Variants in GASK1B observed in about 807,000 individuals in gnomAD.
GASK1B encodes golgi associated kinase 1B.
Under a neutral mutation model 42.8 loss-of-function variants are expected in GASK1B, and 34 were observed. The ratio of observed to expected loss-of-function variants is 0.79; its 90% CI spans 0.60 to 1.06. The LOEUF (loss-of-function observed/expected upper bound fraction) is 1.06, where lower values mean the gene tolerates loss of function less well. Ranked by LOEUF, GASK1B falls within the 50% of genes least tolerant of loss-of-function variation. The pLI is 0.00. For missense variants in GASK1B, 686 were observed against 661.0 expected, an observed-to-expected ratio of 1.04 and a Z score of -0.42; for synonymous variants, 262 against 259.1, an observed-to-expected ratio of 1.01 and a Z score of -0.11.
At chr4:158,167,520 A>G (rs1203166960) in intron 2 of GASK1B, among the ~76,000 whole-genome samples, 1 of 152,178 alleles carries the variant, frequency 6.6e-6, no homozygotes, top group Non-Finnish European at 1.5e-5. Flanking sequence ...GGCTTCCAGT[A>G]TAGTTTTACT....
chr4:158,149,033 A>G (rs981959946), intron 3 of GASK1B, among the ~76,000 whole-genome samples: 9 of 152,162 alleles, frequency 5.9e-5, no homozygotes, highest in Middle Eastern at 3.2e-3. Context: ...CTCTGCTTCA[A>G]ATGGTATATT....
chr4:158,157,896 T>C (rs947143145), intron 2 of GASK1B, among the ~76,000 whole-genome samples: 4 of 152,106 alleles, frequency 2.6e-5, no homozygotes, highest in African/African-American at 7.2e-5. Context: ...TAGAAAAACA[T>C]AAAAATGTAT....
chr4:158,140,111 A>G (rs941266884), intron 3 of GASK1B, among the ~76,000 whole-genome samples: 1 of 152,200 alleles, frequency 6.6e-6, no homozygotes, highest in African/African-American at 2.4e-5. Context: ...ATTCATGCTA[A>G]AGCATCAACA....
intron 3 of GASK1B, among the ~76,000 whole-genome samples, chr4:158,131,977 C>T (rs1031419798): frequency 6.6e-6 from 1 of 152,198 alleles, no homozygotes; most frequent in Admixed American, 6.5e-5. Flanking sequence ...ACTACTGTTA[C>T]TCTTGTTGAA....
intron 2 of GASK1B, among the ~76,000 whole-genome samples, chr4:158,163,585 A>G (rs930365707): frequency 2.0e-5 from 3 of 151,996 alleles, no homozygotes; most frequent in African/African-American, 7.3e-5. Context: ...AAAAAAAAAA[A>G]GAGTGTTAGT....
intron 3 of GASK1B, among the ~76,000 whole-genome samples, chr4:158,150,737 T>C (rs1321768407): frequency 6.6e-6 from 1 of 152,182 alleles, no homozygotes; most frequent in African/African-American, 2.4e-5. Flanking sequence ...ATAATGCATA[T>C]ATAATGCTTA....
intron 2 of GASK1B, among the ~76,000 whole-genome samples, chr4:158,167,717 A>G: frequency 6.6e-6 from 1 of 152,228 alleles, no homozygotes; most frequent in East Asian, 1.9e-4. Flanking sequence ...ATAAATGATT[A>G]TAATACAAAT....
intron 3 of GASK1B, among the ~76,000 whole-genome samples, chr4:158,147,700 A>T (rs1240601056): frequency 6.6e-6 from 1 of 152,092 alleles, no homozygotes; most frequent in Non-Finnish European, 1.5e-5. Context: ...GATTTTATTA[A>T]AAACAAGTAA....
chr4:158,138,540 A>T (rs1258632661), intron 3 of GASK1B, among the ~76,000 whole-genome samples: 1 of 152,174 alleles, frequency 6.6e-6, no homozygotes, highest in East Asian at 1.9e-4. Flanking sequence ...CAAGTAAAAC[A>T]TGTTCATTTA....
intron 3 of GASK1B, among the ~76,000 whole-genome samples, chr4:158,134,852 C>A (rs1256336598): frequency 6.6e-6 from 1 of 152,126 alleles, no homozygotes; most frequent in African/African-American, 2.4e-5. Flanking sequence ...CCTAGTTCAC[C>A]AAAACCCATT....
At position 158,126,689 on chromosome 4, in the gene GASK1B, C is replaced by G. The variant is rs374875948; in HGVS notation, c.*718G>C. The G allele has an allele frequency of 5.3e-5, 8 of 151,724 alleles. No individual in the cohort carries two copies. The South Asian group carries it at 1.0e-3, about 20-fold the overall frequency. 9.4% of individuals were successfully genotyped at this position (151,724 alleles called of 1,614,324 possible). On this transcript the variant is annotated 3_prime_UTR_variant, in exon 5 of 5. Transcript: ENST00000585682. Reference sequence around the variant, plus strand: ...CTCAGCCACTAGATACAAATTGGACCAAAATAGAGAGAGTAAAACTCTTTA... The same window carrying G: ...CTCAGCCACTAGATACAAATTGGACGAAAATAGAGAGAGTAAAACTCTTTA...
chr4:158,138,086 C>T (rs966304827), intron 3 of GASK1B, among the ~76,000 whole-genome samples: 1 of 152,102 alleles, frequency 6.6e-6, no homozygotes, highest in African/African-American at 2.4e-5. Context: ...TATTTCTTTA[C>T]GTATAAGTAA....
At chr4:158,136,740 A>G (rs1730905964) in intron 3 of GASK1B, among the ~76,000 whole-genome samples, 1 of 152,192 alleles carries the variant, frequency 6.6e-6, no homozygotes, top group Non-Finnish European at 1.5e-5. Flanking sequence ...GATCCTCACC[A>G]TCTCTTTTCA....
chr4:158,154,609 C>T (rs1026394173), intron 3 of GASK1B, among the ~76,000 whole-genome samples: 3 of 152,128 alleles, frequency 2.0e-5, no homozygotes, highest in African/African-American at 7.2e-5. Context: ...GCAACCAGAC[C>T]AAATGCCCAT....
chr4:158,171,471 G>A lies in GASK1B; in HGVS notation c.-96C>T, dbSNP rs1016842034. 1.1e-5 allele frequency: 15 copies of A among 1,377,106 alleles called. No individual in the cohort carries two copies. Among genetic ancestry groups the A allele is most frequent in the African/African-American group, 8.7e-5 (6 of 69,134 alleles). 85.3% of individuals were successfully genotyped at this position (1,377,106 alleles called of 1,614,324 possible). On this transcript the variant is annotated 5_prime_UTR_variant, in exon 2 of 5. Transcript: ENST00000585682. ...TTTCCTGACTTCAGCTGCCGCGTCC[G>A]CTTCGGGATATAAGTGGTCTCCAGT...
rs1209787043 is a variant in GASK1B, at chr4:158,126,592, A to G, written c.*815T>C. On this transcript the variant is annotated 3_prime_UTR_variant, in exon 5 of 5. Transcript: ENST00000585682. ...AAAGTAACAAAATTTTTAAAGAGAC[A>G]TCCATTTTAAAATGATACTCTGTAA... is the stretch of plus-strand genomic sequence containing the variant. The G allele has an allele frequency of 6.6e-6, 1 of 152,080 alleles. No homozygotes were observed. Among genetic ancestry groups the G allele is most frequent in the Non-Finnish European group, 1.5e-5 (1 of 67,982 alleles). The allele number at this position is 152,080 out of a possible 1,614,324, so 9.4% of individuals were successfully genotyped here. A position where few individuals can be genotyped will look rare whatever the true frequency, so the allele number is the denominator to read the frequency against.
Position 158,171,392 on chromosome 4 carries a change from C to T in GASK1B, c.-17G>A. The T allele has an allele frequency of 6.5e-7, 1 of 1,539,564 alleles. No individual in the cohort carries two copies. The stretch of plus-strand genomic sequence containing the variant: ...ACAGGTCATTTCTCTGCCGCATCCA[C>T]ATGTTGAACGGAGTTTAAAGTCTGC... On this transcript the variant is annotated 5_prime_UTR_variant, in exon 2 of 5. The change creates a new upstream start codon in the 5' untranslated region. Transcript: ENST00000585682.
intron 2 of GASK1B, among the ~76,000 whole-genome samples, chr4:158,160,883 C>G (rs1731954607): frequency 6.6e-6 from 1 of 152,006 alleles, no homozygotes; most frequent in African/African-American, 2.4e-5. Flanking sequence ...TGCATGACCT[C>G]TCTTATATGT....
intron 2 of GASK1B, among the ~76,000 whole-genome samples, chr4:158,157,556 G>A (rs534453410): frequency 6.6e-6 from 1 of 152,202 alleles, no homozygotes; most frequent in Non-Finnish European, 1.5e-5. Context: ...CCAAACGTGT[G>A]TACTTCAGGC....
Sources: gnomAD v4.1 joint callset for allele counts (sites outside exome capture counted in the v4.1 genomes callset) on GRCh38, gnomAD v4.1.1 for gene constraint, MANE v1.5 for transcripts, NCBI Gene and HGNC (gene_info 2026-07-23, HGNC 2026-07-21) for gene names.